TMEM116: variants seen among roughly 807,000 people sequenced by gnomAD.
TMEM116 encodes transmembrane protein 116.
A neutral mutation model predicts 44.3 loss-of-function variants in TMEM116; 38 were observed. That is an observed-to-expected ratio of 0.86 (90% CI 0.66 to 1.12). TMEM116 has a LOEUF of 1.12. Among genes scored for constraint, TMEM116 ranks in the 50% most tolerant of loss-of-function variants. The probability of loss-of-function intolerance (pLI) is 0.00; values close to 1 mark genes in which losing one functional copy is unlikely to be tolerated. For missense variants in TMEM116, 354 were observed against 401.7 expected, an observed-to-expected ratio of 0.88 and a Z score of 1.01; for synonymous variants, 132 against 144.8, an observed-to-expected ratio of 0.91 and a Z score of 0.64.
chr12:111,933,853 T>C, intron 9 of TMEM116, 33 bp downstream of exon 9: 2 of 1,612,030 alleles, frequency 1.2e-6, no homozygotes, highest in Non-Finnish European at 1.7e-6. Flanking sequence ...AACTGCCCTC[T>C]TCACTGCCCA....
Position 111,956,975 on chromosome 12 carries a change from C to T in TMEM116, c.211-13606G>A, listed in dbSNP as rs552139727. 1.1e-4 allele frequency among the ~76,000 whole-genome samples: 16 copies of T among 151,702 alleles called. No homozygotes were observed. The South Asian group carries it at 2.1e-3, about 20-fold the overall frequency. On this transcript the variant is annotated intron_variant, in intron 4 of 10. Coordinates refer to ENST00000552374, the MANE Select transcript of TMEM116 (RefSeq NM_001193531.2). ...GGAGCGTCTCTGCCTGGCCGCCCAT[C>T]GTCTGTGATGTGAGGAGCCCCTCTG...
At chr12:111,993,976 G>T in intron 3 of TMEM116, 1 of 595,378 alleles carries the variant, frequency 1.7e-6, no homozygotes, top group South Asian at 1.4e-5. Flanking sequence ...GTTTATCTAT[G>T]ATTCTGTGAA....
At chr12:111,995,356 T>C (rs143134184) in intron 3 of TMEM116, among the ~76,000 whole-genome samples, 1 of 152,070 alleles carries the variant, frequency 6.6e-6, no homozygotes, top group Non-Finnish European at 1.5e-5. Context: ...AAAGAGACAG[T>C]CTTTTCAAAA....
At chr12:111,968,504 G>T (rs1431701079) in intron 4 of TMEM116, among the ~76,000 whole-genome samples, 1 of 152,108 alleles carries the variant, frequency 6.6e-6, no homozygotes, top group Non-Finnish European at 1.5e-5. Flanking sequence ...TGAAATGTCT[G>T]GCATTCAGTA....
chr12:112,006,977 C>T (rs775642019), intron 1 of TMEM116, among the ~76,000 whole-genome samples: 8 of 152,198 alleles, frequency 5.3e-5, no homozygotes, highest in African/African-American at 1.2e-4. Context: ...CAATGTCATG[C>T]ACCTGTGGTC....
intron 4 of TMEM116, among the ~76,000 whole-genome samples, chr12:111,980,155 T>C (rs186490771): frequency 1.3e-5 from 2 of 152,296 alleles, no homozygotes; most frequent in Admixed American, 1.3e-4. Context: ...TTATTTATAA[T>C]TGCCCCAAAC....
chr12:111,938,254 A>G (rs980052913), intron 5 of TMEM116, 44 bp from the exon 6 acceptor site: 7 of 1,386,306 alleles, frequency 5.0e-6, no homozygotes, highest in Non-Finnish European at 6.9e-6. Context: ...GACATTGTCA[A>G]TCATATAATA....
At chr12:111,997,006 T>C (rs1448841897) in intron 3 of TMEM116, among the ~76,000 whole-genome samples, 1 of 152,212 alleles carries the variant, frequency 6.6e-6, no homozygotes, top group Non-Finnish European at 1.5e-5. Context: ...TAAACATACA[T>C]ACATTTCTGG....
chr12:112,001,440 T>C (rs2077251027), intron 3 of TMEM116, among the ~76,000 whole-genome samples: 1 of 152,102 alleles, frequency 6.6e-6, no homozygotes. Flanking sequence ...GCCTCCTGGG[T>C]AGCTAGAACT....
At position 111,932,667 on chromosome 12, in the gene TMEM116, T is replaced by C; in HGVS notation, c.734-8A>G. ...TGATCATTAGAATGACAGCTGTGAATACACAAAGTGTAAACCTTCTTGTCA... is the reference window on the plus strand; with the variant it reads ...TGATCATTAGAATGACAGCTGTGAACACACAAAGTGTAAACCTTCTTGTCA... On this transcript the variant is annotated splice_polypyrimidine_tract_variant and splice_region_variant and intron_variant, in intron 9 of 10. Transcript: ENST00000552374. 6.2e-7 allele frequency: 1 copy of C among 1,613,234 alleles called. No individual in the cohort carries two copies. Among genetic ancestry groups the C allele is most frequent in the South Asian group, 1.1e-5 (1 of 91,064 alleles).
At chr12:111,952,389 G>A (rs891643724) in intron 4 of TMEM116, among the ~76,000 whole-genome samples, 2 of 152,114 alleles carry the variant, frequency 1.3e-5, no homozygotes, top group African/African-American at 4.8e-5. Context: ...AATACTACAT[G>A]GTGTGGATAG....
At chr12:111,934,253 T>C in intron 8 of TMEM116, 1 of 489,210 alleles carries the variant, frequency 2.0e-6, no homozygotes, top group Non-Finnish European at 3.6e-6. Context: ...CTAGCCAAAC[T>C]TGTGTATCAC....
At chr12:112,006,519 T>G (rs1445054609) in intron 1 of TMEM116, among the ~76,000 whole-genome samples, 2 of 152,264 alleles carry the variant, frequency 1.3e-5, no homozygotes, top group African/African-American at 4.8e-5. Context: ...GTTATTAATG[T>G]TTGTCATAAA....
At chr12:111,940,263 ACT>A (rs1482081277) in intron 5 of TMEM116, among the ~76,000 whole-genome samples, 1 of 151,036 alleles carries the variant, frequency 6.6e-6, no homozygotes, top group Non-Finnish European at 1.5e-5. Context: ...ACAGAGTGAG[ACT>A]CTGTCTCAAA....
chr12:112,003,516 C>T (rs1375479310), intron 3 of TMEM116: 3 of 230,048 alleles, frequency 1.3e-5, no homozygotes, highest in Non-Finnish European at 1.7e-5. Context: ...TGCAGTGAGC[C>T]GAGATCGCAC....
intron 4 of TMEM116, among the ~76,000 whole-genome samples, chr12:111,969,858 G>A (rs1298421531): frequency 6.6e-6 from 1 of 152,168 alleles, no homozygotes; most frequent in Non-Finnish European, 1.5e-5. Context: ...GGGATTACAG[G>A]TGTGAGCCAC....
chr12:111,963,725 T>C (rs1030009186), intron 4 of TMEM116, among the ~76,000 whole-genome samples: 1 of 152,004 alleles, frequency 6.6e-6, no homozygotes, highest in Non-Finnish European at 1.5e-5. Context: ...AGATGATGGG[T>C]AGATGGGTGC....
chr12:111,953,512 C>T (rs555522788), intron 4 of TMEM116, among the ~76,000 whole-genome samples: 1 of 152,230 alleles, frequency 6.6e-6, no homozygotes, highest in Admixed American at 6.5e-5. Flanking sequence ...GCACATATGC[C>T]TGATAATAAG....
intron 9 of TMEM116, 101 bp downstream of exon 9, chr12:111,933,785 T>G (rs2071870052): frequency 6.8e-7 from 1 of 1,463,190 alleles, no homozygotes; most frequent in Non-Finnish European, 9.3e-7. Flanking sequence ...TGTGAGCCAC[T>G]GTGCCCGACC....
Sources: gnomAD v4.1 joint callset for allele counts (sites outside exome capture counted in the v4.1 genomes callset) on GRCh38, gnomAD v4.1.1 for gene constraint, MANE v1.5 for transcripts, NCBI Gene and HGNC (gene_info 2026-07-23, HGNC 2026-07-21) for gene names.